The following PTBP1 variants were observed in gnomAD, a reference collection of about 807,000 sequenced individuals.
PTBP1 encodes polypyrimidine tract binding protein 1, also known as polypyrimidine tract-binding protein 1.
PTBP1 carries 8 observed loss-of-function variants against 59.8 expected under a neutral mutation model. The ratio of observed to expected loss-of-function variants is 0.13; its 90% CI spans 0.08 to 0.24. The LOEUF is 0.24. Among genes scored for constraint, PTBP1 ranks in the 10% least tolerant of loss-of-function variants. The probability of loss-of-function intolerance (pLI) is 1.00; values close to 1 mark genes in which losing one functional copy is unlikely to be tolerated. For synonymous variants in PTBP1, 490 were observed against 320.7 expected (o/e 1.53, Z -5.64); for missense variants, 686 against 767.0 (o/e 0.89, Z 1.25).
At position 804,309 on chromosome 19, in the gene PTBP1, C is replaced by T; in HGVS notation, c.306C>T (p.Asn102=). The change falls in exon 5 of 15, where the codon AAC becomes AAT. Residue 102 remains asparagine (N), a synonymous_variant. Coordinates refer to ENST00000356948, the MANE Select transcript of PTBP1 (RefSeq NM_002819.5). The part of the protein sequence containing the change: ...KGKNQAFIEM[N]TEEAANTMVN... ...CCCAACAGGCCTTCATCGAGATGAACACGGAGGAGGCTGCCAACACCATGG... is the reference window on the plus strand; with the variant it reads ...CCCAACAGGCCTTCATCGAGATGAATACGGAGGAGGCTGCCAACACCATGG... 1.2e-6 allele frequency: 2 copies of T among 1,613,826 alleles called. No homozygotes were observed. Among genetic ancestry groups the T allele is most frequent in the South Asian group, 1.1e-5 (1 of 91,080 alleles).
At chr19:799,317 A>T in intron 1 of PTBP1, 96 bp from the exon 2 acceptor site, 1 of 1,130,152 alleles carries the variant, frequency 8.8e-7, no homozygotes, top group Non-Finnish European at 1.4e-6. Context: ...TGGCAGCTGC[A>T]GGGACCTACG....
In PTBP1 at chr19:808,085, C is replaced by T. The variant is rs937578523; in HGVS notation, c.1153+183C>T. The T allele has an allele frequency of 5.2e-5, 34 of 657,912 alleles. No homozygotes were observed. Among genetic ancestry groups the T allele is most frequent in the Middle Eastern group, 2.5e-4 (1 of 4,032 alleles). The allele number at this position is 657,912 out of a possible 1,614,324, so 40.8% of individuals were successfully genotyped here. A position where few individuals can be genotyped will look rare whatever the true frequency, so the allele number is the denominator to read the frequency against. On this transcript the variant is annotated intron_variant, in intron 11 of 14. Coordinates refer to ENST00000356948, the MANE Select transcript of PTBP1 (RefSeq NM_002819.5). This position sits in a 1 kb window ranked among gnomAD's most constrained non-coding sequence, Gnocchi z 4.7. ...CCGTAGATACGTACGCATGGTTTATCGCCCTGCATGCTTTTCAGAGTTAGA... is the reference window on the plus strand; with the variant it reads ...CCGTAGATACGTACGCATGGTTTATTGCCCTGCATGCTTTTCAGAGTTAGA...
chr19:809,387 G>A (rs1191837078), intron 13 of PTBP1, among the ~76,000 whole-genome samples: 1 of 152,018 alleles, frequency 6.6e-6, no homozygotes, highest in Non-Finnish European at 1.5e-5. Flanking sequence ...GCAGTGGCGG[G>A]ATCTCTGCAA....
intron 1 of PTBP1, 37 bp downstream of exon 1, chr19:797,542 C>T: frequency 6.8e-7 from 1 of 1,471,492 alleles, no homozygotes; most frequent in Non-Finnish European, 9.0e-7. Flanking sequence ...ACCGCCCTCC[C>T]CGCGCCGCAG....
intron 2 of PTBP1, among the ~76,000 whole-genome samples, chr19:802,392 C>T (rs2034373428): frequency 6.9e-6 from 1 of 144,298 alleles, no homozygotes; most frequent in African/African-American, 2.6e-5. Flanking sequence ...GGTGGGGGCT[C>T]TTTGGCCAGG....
intron 9 of PTBP1, 104 bp from the exon 10 acceptor site, chr19:806,304 G>C (rs1442076784): frequency 7.6e-7 from 1 of 1,315,820 alleles, no homozygotes; most frequent in Non-Finnish European, 1.0e-6. Context: ...GCCGCCTCCC[G>C]CGCGGCTCGG....
intron 8 of PTBP1, 139 bp from the exon 9 acceptor site, chr19:805,352 GC>G (rs1364618734): frequency 7.8e-5 from 92 of 1,185,240 alleles, no homozygotes; most frequent in Non-Finnish European, 9.7e-5. Context: ...CGGGACCACG[GC>G]CCCCCCTGGA....
rs1299430621 is a variant in PTBP1 at position 808,584 on chromosome 19, C to G, written c.1285C>G (p.Pro429Ala). Residue 429 changes from proline (P) to alanine (A), a missense_variant, in exon 13 of 15, where the codon CCC becomes GCC. By Grantham distance (27) the Pro-to-Ala change is conservative (BLOSUM62 -1). Coordinates refer to ENST00000356948, the MANE Select transcript of PTBP1 (RefSeq NM_002819.5). The surrounding 1 kb of genome is among the most constrained non-coding windows in gnomAD (Gnocchi z 4.7). ...HLNGHKLHGK[P>A]IRITLSKHQN... is the part of the protein sequence containing the mutation. ...GAACGGGCACAAGCTGCACGGGAAG[C>G]CCATCCGCATCACGCTCTCGAAGCA... The G allele has an allele frequency of 9.3e-6, 15 of 1,604,662 alleles. No homozygotes were observed. Among genetic ancestry groups the G allele is most frequent in the Middle Eastern group, 2.2e-4 (1 of 4,460 alleles).
intron 1 of PTBP1, among the ~76,000 whole-genome samples, chr19:799,094 A>G (rs534581000): frequency 6.6e-6 from 1 of 152,318 alleles, no homozygotes; most frequent in Middle Eastern, 3.4e-3. Flanking sequence ...AGCGGCATCT[A>G]GCATTCCTCG....
At position 805,001 on chromosome 19, in the gene PTBP1, C is replaced by G. The variant is rs368491433; in HGVS notation, c.718-12C>G. 139 of 1,613,096 alleles carry G rather than the reference C, an allele frequency of 8.6e-5. No individual in the cohort carries two copies. The highest frequency in any genetic ancestry group is 1.1e-4 in the Non-Finnish European group (124 of 1,179,462). ...CTGGCCCGGCGACGTCTCACGGTCC[C>G]TCTCCCCTCAGTCGCTGGACGGGCA... On this transcript the variant is annotated splice_polypyrimidine_tract_variant and intron_variant, in intron 7 of 14. Coordinates refer to ENST00000356948, the MANE Select transcript of PTBP1 (RefSeq NM_002819.5).
intron 1 of PTBP1, among the ~76,000 whole-genome samples, chr19:797,790 C>T (rs570972022): frequency 6.7e-6 from 1 of 148,704 alleles, no homozygotes; most frequent in Non-Finnish European, 1.5e-5. Flanking sequence ...CGCGCGTCCC[C>T]GCACTTCGCC....
intron 2 of PTBP1, among the ~76,000 whole-genome samples, chr19:802,656 C>T (rs1463026063): frequency 2.0e-5 from 3 of 152,174 alleles, no homozygotes; most frequent in African/African-American, 7.2e-5. Context: ...AGACCAAGCG[C>T]CTGTGCTCCA....
At position 797,481 on chromosome 19, in the gene PTBP1, G is replaced by C. The variant is rs770820356; in HGVS notation, c.-17G>C. On this transcript the variant is annotated 5_prime_UTR_variant, in exon 1 of 15. Coordinates refer to ENST00000356948, the MANE Select transcript of PTBP1 (RefSeq NM_002819.5). ...CGGCGCCTCCACTCCGTCCCCCGCG[G>C]GTCTGCTCTGTGTGCCATGGACGGG... The C allele has an allele frequency of 6.9e-6, 11 of 1,592,726 alleles. No individual in the cohort carries two copies. In the Admixed American group the frequency reaches 1.0e-4, roughly 15 times the overall value.
chr19:805,417 G>C, intron 8 of PTBP1, 75 bp from the exon 9 acceptor site: 1 of 1,450,002 alleles, frequency 6.9e-7, no homozygotes, highest in Non-Finnish European at 9.7e-7. Context: ...GCCGGGTTGG[G>C]GCCCATCCCG....
At chr19:803,440 G>GTGGGTA (rs1319509608) in intron 2 of PTBP1, 121 bp from the exon 3 acceptor site, 4 of 768,190 alleles carry the variant, frequency 5.2e-6, no homozygotes, top group African/African-American at 5.2e-5. Context: ...AAGTGTGGGT[G>GTGGGTA]TGGGTATGGG....
In PTBP1 at chr19:811,133, C is replaced by G. The variant is rs989809461; in HGVS notation, c.*307C>G. On this transcript the variant is annotated 3_prime_UTR_variant, in exon 15 of 15. Transcript: ENST00000356948. ...GGCGTGGGGCCTGCAGGTGGGCGCC[C>G]CGACCACGACTTGGCTTCCTTGTGC... 3.7e-6 allele frequency: 1 copy of G among 268,978 alleles called. No homozygotes were observed. The highest frequency in any genetic ancestry group is 1.1e-4 in the South Asian group (1 of 9,244). The allele number at this position is 268,978 out of a possible 1,614,324, so 16.7% of individuals were successfully genotyped here. A position where few individuals can be genotyped will look rare whatever the true frequency, so the allele number is the denominator to read the frequency against.
chr19:807,570 T>G (rs2034642687), intron 10 of PTBP1: 1 of 422,252 alleles, frequency 2.4e-6, no homozygotes, highest in Non-Finnish European at 4.2e-6. Flanking sequence ...CTTTCCCTAT[T>G]TTTTTTCTTG....
intron 2 of PTBP1, among the ~76,000 whole-genome samples, chr19:802,974 TAGTCCTCAGTCTCGCGTGTGC>T (rs1257587707): frequency 3.3e-5 from 5 of 152,252 alleles, no homozygotes; most frequent in Non-Finnish European, 7.3e-5. Flanking sequence ...GCCGTGTCTC[TAGTCCTCAGTCTCGCGTGTGC>T]AGAGACGGAG....
intron 9 of PTBP1, 124 bp from the exon 10 acceptor site, chr19:806,284 C>T (rs1173755559): frequency 6.0e-6 from 7 of 1,166,708 alleles, no homozygotes; most frequent in African/African-American, 5.0e-5. Context: ...AGGGTAGGGC[C>T]AGAGCCAGGG....
Sources: gnomAD v4.1 joint callset for allele counts (sites outside exome capture counted in the v4.1 genomes callset) on GRCh38, gnomAD v4.1.1 for gene constraint, Gnocchi (gnomAD v3.1) non-coding constraint, MANE v1.5 for transcripts, NCBI Gene and HGNC (gene_info 2026-07-23, HGNC 2026-07-21) for gene names.